Variants in BAZ1A observed in about 807,000 individuals in gnomAD.
The protein encoded by BAZ1A is bromodomain adjacent to zinc finger domain protein 1A.
A neutral mutation model predicts 185.2 loss-of-function variants in BAZ1A; 50 were observed. The observed-to-expected ratio is 0.27, with a 90% CI of 0.22 to 0.34. The LOEUF (loss-of-function observed/expected upper bound fraction) is 0.34. BAZ1A is among the 10% of genes least tolerant of loss of function. The pLI is 1.00. For synonymous variants in BAZ1A, 571 were observed against 615.6 expected (o/e 0.93, Z 1.07); for missense variants, 1,356 against 1,839.9 (o/e 0.74, Z 4.81).
intron 4 of BAZ1A, among the ~76,000 whole-genome samples, chr14:34,818,739 T>C (rs74725194): frequency 0.028 from 4,258 of 152,250 alleles, 72 homozygotes; most frequent in South Asian, 0.055. Flanking sequence ...ACCGTGTATA[T>C]GCCAAAGAGA....
At chr14:34,781,558 T>C (rs1239047349) in intron 16 of BAZ1A, among the ~76,000 whole-genome samples, 2 of 150,910 alleles carry the variant, frequency 1.3e-5, no homozygotes, top group East Asian at 3.9e-4. Flanking sequence ...AGAATCTCAC[T>C]CTGCTGCCCA....
At chr14:34,854,931 T>C (rs1248519611) in intron 3 of BAZ1A, among the ~76,000 whole-genome samples, 1 of 152,044 alleles carries the variant, frequency 6.6e-6, no homozygotes, top group Non-Finnish European at 1.5e-5. Context: ...GATACAAAAT[T>C]AGCTGGGCTT....
At chr14:34,852,402 T>C (rs373577595) in intron 3 of BAZ1A, among the ~76,000 whole-genome samples, 20 of 152,122 alleles carry the variant, frequency 1.3e-4, no homozygotes, top group Middle Eastern at 6.8e-3. Context: ...ACAGATCACA[T>C]GGGGCCAGGA....
chr14:34,764,997 A>AT (rs749786112), intron 22 of BAZ1A, 24 bp downstream of exon 22: 1 of 1,613,484 alleles, frequency 6.2e-7, no homozygotes, highest in South Asian at 1.1e-5. Context: ...TCTCATTTCT[A>AT]ATCTGATAAG....
At position 34,795,682 on chromosome 14, in the gene BAZ1A, A is replaced by G; in HGVS notation, c.1212T>C (p.Cys404=). The part of the protein sequence containing the change: ...QWSKPREDME[C]DDLKELPEPT... ...AACATGTTTATACCTTAAGGTCATC[A>G]CATTCCATATCTTCTCTAGGTTTAC... The change falls in exon 10 of 27, where the codon TGT becomes TGC. Residue 404 remains cysteine (C), a synonymous_variant. Coordinates refer to ENST00000360310, the MANE Select transcript of BAZ1A (RefSeq NM_013448.3). 1 of 1,611,014 alleles carries G rather than the reference A, an allele frequency of 6.2e-7. No individual in the cohort carries two copies. The highest frequency in any genetic ancestry group is 8.5e-7 in the Non-Finnish European group (1 of 1,178,638).
At chr14:34,847,221 G>A (rs1483968485) in intron 3 of BAZ1A, among the ~76,000 whole-genome samples, 2 of 149,504 alleles carry the variant, frequency 1.3e-5, no homozygotes, top group South Asian at 2.1e-4. Flanking sequence ...CTGGGTGACA[G>A]AGCGAGACTA....
intron 16 of BAZ1A, among the ~76,000 whole-genome samples, chr14:34,782,044 A>T (rs1366240547): frequency 6.6e-6 from 1 of 152,254 alleles, no homozygotes. Context: ...TAATTCTCTT[A>T]GGTATATATC....
chr14:34,853,673 G>A (rs1365887065), intron 3 of BAZ1A, among the ~76,000 whole-genome samples: 2 of 152,146 alleles, frequency 1.3e-5, no homozygotes, highest in African/African-American at 4.8e-5. Flanking sequence ...TGTAATCTCA[G>A]CTACTCGGGA....
In BAZ1A at chr14:34,844,773, A is replaced by G. The variant is rs995309217; in HGVS notation, c.392+17271T>C. Among the ~76,000 whole-genome samples the G allele has an allele frequency of 3.5e-3, 130 of 37,340 alleles. 1 individual carries two copies. The highest frequency in any genetic ancestry group is 0.028 in the East Asian group (49 of 1,726). The allele number at this position is 37,340 out of a possible 152,430, so 24.5% of individuals were successfully genotyped here. A position where few individuals can be genotyped will look rare whatever the true frequency, so the allele number is the denominator to read the frequency against. On this transcript the variant is annotated intron_variant, in intron 3 of 26. Coordinates refer to ENST00000360310, the MANE Select transcript of BAZ1A (RefSeq NM_013448.3). ...ACCCTGTCTAAACACACACACACAC[A>G]CGCGCACACACACACACACACACAC...
intron 6 of BAZ1A, among the ~76,000 whole-genome samples, chr14:34,804,547 CACCAGTTCTG>C (rs569771414): frequency 5.1e-4 from 77 of 152,288 alleles, no homozygotes; most frequent in Admixed American, 2.0e-4. Flanking sequence ...CCTGGAATTC[CACCAGTTCTG>C]GCCATGATAA....
At chr14:34,762,930 C>A (rs540717461) in intron 23 of BAZ1A, among the ~76,000 whole-genome samples, 2 of 152,262 alleles carry the variant, frequency 1.3e-5, no homozygotes, top group African/African-American at 4.8e-5. Flanking sequence ...TCTTTTGTCT[C>A]CTTTTGCTAC....
chr14:34,778,887 C>T (rs1228513866), intron 17 of BAZ1A, among the ~76,000 whole-genome samples: 1 of 152,138 alleles, frequency 6.6e-6, no homozygotes, highest in Admixed American at 6.5e-5. Context: ...AAGGACCTTG[C>T]TCTGTTGCCC....
intron 2 of BAZ1A, among the ~76,000 whole-genome samples, chr14:34,863,707 T>A (rs1407076279): frequency 6.6e-6 from 1 of 152,206 alleles, no homozygotes. Flanking sequence ...CAATCCCATG[T>A]ACATTAATTA....
At chr14:34,817,229 C>T (rs1018508524) in intron 4 of BAZ1A, among the ~76,000 whole-genome samples, 1 of 148,772 alleles carries the variant, frequency 6.7e-6, no homozygotes, top group African/African-American at 2.5e-5. Context: ...TAAATCAATA[C>T]ACCCCCCCCC....
chr14:34,779,319 G>A (rs67791098), intron 17 of BAZ1A, among the ~76,000 whole-genome samples: 18,701 of 151,696 alleles, frequency 0.12, 1,376 homozygotes, highest in South Asian at 0.19. Flanking sequence ...TAAGTAGAGG[G>A]GCTGTATTTA....
rs1356149651 is a variant in BAZ1A, at chr14:34,776,233, C to T, written c.2519G>A (p.Arg840Lys). ...SGLTEDMLLP[R>K]PSSFQNNVQS... ...TACATTATTCTGAAATGATGAAGGTCTAGGCAACAGCATGTCTTCAGTAAG... is the reference window on the plus strand; with the variant it reads ...TACATTATTCTGAAATGATGAAGGTTTAGGCAACAGCATGTCTTCAGTAAG... Residue 840 changes from arginine to lysine, a missense_variant, in exon 18 of 27, where the codon AGA becomes AAA. By Grantham distance (26) the Arg-to-Lys change is conservative. Around this residue, in one of 7 missense-constraint regions of BAZ1A, gnomAD observed 434 missense variants for 561.7 expected, o/e 0.77. Coordinates refer to ENST00000360310, the MANE Select transcript of BAZ1A (RefSeq NM_013448.3). 1 of 1,614,014 alleles carries T rather than the reference C, an allele frequency of 6.2e-7. No individual in the cohort carries two copies. Among genetic ancestry groups the T allele is most frequent in the South Asian group, 1.1e-5 (1 of 91,074 alleles).
chr14:34,809,869 A>C (rs576962377), intron 5 of BAZ1A, among the ~76,000 whole-genome samples: 55 of 152,346 alleles, frequency 3.6e-4, no homozygotes, highest in African/African-American at 1.3e-3. Context: ...CTGTAGTCTC[A>C]ACAATTGCTA....
chr14:34,845,278 T>TC (rs1251752315), intron 3 of BAZ1A: 157 of 150,354 alleles, frequency 1.0e-3, no homozygotes, highest in South Asian at 2.3e-3. Flanking sequence ...CTTTTTCTTT[T>TC]TTTTTTTTTT....
At chr14:34,765,846 T>G (rs1594814866) in intron 21 of BAZ1A, among the ~76,000 whole-genome samples, 1 of 152,360 alleles carries the variant, frequency 6.6e-6, no homozygotes, top group Admixed American at 6.5e-5. Flanking sequence ...ATCATCTGAT[T>G]AAATGCTATC....
Sources: gnomAD v4.1 joint callset for allele counts (sites outside exome capture counted in the v4.1 genomes callset) on GRCh38, gnomAD v4.1.1 for gene constraint, gnomAD v4.1.1 regional missense constraint, MANE v1.5 for transcripts, NCBI Gene and HGNC (gene_info 2026-07-23, HGNC 2026-07-21) for gene names.